FHIT: variants seen among roughly 807,000 people sequenced by gnomAD.
FHIT encodes the protein fragile histidine triad diadenosine triphosphatase.
Under a neutral mutation model 17.9 loss-of-function variants are expected in FHIT, and 19 were observed. That is an observed-to-expected ratio of 1.06 (90% confidence interval 0.74 to 1.56). The LOEUF (loss-of-function observed/expected upper bound fraction) is 1.56, where lower values mean the gene tolerates loss of function less well. FHIT is among the 40% of genes most tolerant of loss of function. The pLI, the probability that FHIT is intolerant of heterozygous loss-of-function variation, is 0.00. For synonymous variants in FHIT, 81 were observed against 69.7 expected (o/e 1.16, Z -0.81); for missense variants, 248 against 189.2 (o/e 1.31, Z -1.82).
At chr3:60,806,064 T>G (rs1701373902) in intron 4 of FHIT, among the ~76,000 whole-genome samples, 1 of 152,220 alleles carries the variant, frequency 6.6e-6, no homozygotes, top group Non-Finnish European at 1.5e-5. Context: ...CCTTTGCTCC[T>G]TAAGTCCTGG....
intron 2 of FHIT, among the ~76,000 whole-genome samples, chr3:61,155,442 C>G (rs762415665): frequency 6.6e-6 from 1 of 152,128 alleles, no homozygotes. Context: ...CTAGTCAACA[C>G]CTACTATTCT....
In FHIT at chr3:60,514,985, A is replaced by G. The variant is rs910370112; in HGVS notation, c.103+21875T>C. ...AGAGCATGTGAGCAGAGGCCACCTT[A>G]CTAGATAAAATGCAGCTGGTTACCG... On this transcript the variant is annotated intron_variant, in intron 5 of 9. Coordinates refer to ENST00000492590, the MANE Select transcript of FHIT (RefSeq NM_002012.4). 4.0e-5 allele frequency among the ~76,000 whole-genome samples: 6 copies of G among 151,622 alleles called. No homozygotes were observed. The East Asian group carries it at 1.2e-3, about 29-fold the overall frequency.
At chr3:59,954,225 T>TG (rs1385445217) in intron 7 of FHIT, among the ~76,000 whole-genome samples, 1 of 150,438 alleles carries the variant, frequency 6.6e-6, no homozygotes, top group Non-Finnish European at 1.5e-5. Context: ...TGTTCTGTTT[T>TG]TTTTTCTTTT....
At chr3:60,291,598 T>C (rs1707987075) in intron 5 of FHIT, among the ~76,000 whole-genome samples, 1 of 152,174 alleles carries the variant, frequency 6.6e-6, no homozygotes, top group Non-Finnish European at 1.5e-5. Context: ...TTCAGGCTGC[T>C]CTTTGGTAGG....
chr3:61,036,897 C>CT (rs749043451), intron 3 of FHIT, among the ~76,000 whole-genome samples: 1 of 55,002 alleles, frequency 1.8e-5, no homozygotes, highest in African/African-American at 3.9e-5. Flanking sequence ...GATCAGTCTG[C>CT]TTTGTTTTTT....
intron 5 of FHIT, among the ~76,000 whole-genome samples, chr3:60,506,327 T>C (rs2034727774): frequency 6.6e-6 from 1 of 152,172 alleles, no homozygotes; most frequent in South Asian, 2.1e-4. Context: ...AAAGCTAATT[T>C]TGTAAACTGC....
rs1334507761 is a variant in FHIT, at chr3:59,747,317, G to A, written c.*2268C>T. Among the ~76,000 whole-genome samples, 1 of 152,126 alleles carries A rather than the reference G, an allele frequency of 6.6e-6. No homozygotes were observed. Among genetic ancestry groups the A allele is most frequent in the African/African-American group, 2.4e-5 (1 of 41,434 alleles). ...TGAGGTTTAATGGACTCGCAATCAT[G>A]GAGGAAGGCAAAAGAGGAGCAAAGC... On this transcript the variant is annotated 3_prime_UTR_variant, in exon 10 of 10. Transcript: ENST00000492590.
chr3:60,633,437 AAATT>A (rs1200661747), intron 4 of FHIT, among the ~76,000 whole-genome samples: 5 of 152,230 alleles, frequency 3.3e-5, no homozygotes, highest in Admixed American at 3.3e-4. Context: ...GAAATACAAC[AAATT>A]ATTATATTTA....
intron 8 of FHIT, among the ~76,000 whole-genome samples, chr3:59,863,074 C>T (rs187266168): frequency 2.4e-4 from 36 of 152,240 alleles, no homozygotes; most frequent in African/African-American, 7.9e-4. Context: ...TAGTCCTATC[C>T]GAGGAATAGT....
At chr3:60,293,748 T>C (rs1354213303) in intron 5 of FHIT, among the ~76,000 whole-genome samples, 1 of 152,244 alleles carries the variant, frequency 6.6e-6, no homozygotes, top group East Asian at 1.9e-4. Context: ...AAAACCACTT[T>C]AGATAAAGAG....
chr3:60,172,640 A>G (rs554217203), intron 5 of FHIT, among the ~76,000 whole-genome samples: 1 of 152,222 alleles, frequency 6.6e-6, no homozygotes, highest in East Asian at 1.9e-4. Flanking sequence ...AAATGTTGGG[A>G]AAACGGAAAG....
chr3:59,883,344 AAG>A (rs1290407360), intron 8 of FHIT, among the ~76,000 whole-genome samples: 3 of 152,178 alleles, frequency 2.0e-5, no homozygotes, highest in African/African-American at 7.2e-5. Context: ...TAAAAAGAAA[AAG>A]AGATTTAATG....
At chr3:60,295,511 G>A (rs909041944) in intron 5 of FHIT, among the ~76,000 whole-genome samples, 2 of 151,906 alleles carry the variant, frequency 1.3e-5, no homozygotes, top group South Asian at 4.2e-4. Flanking sequence ...CAGCTCTCAG[G>A]GAAATGCTCC....
chr3:60,440,313 T>C (rs2030680499), intron 5 of FHIT, among the ~76,000 whole-genome samples: 1 of 152,118 alleles, frequency 6.6e-6, no homozygotes. Context: ...TTCCATGACA[T>C]GTCATTCTGA....
chr3:60,814,877 T>TG (rs149454619), intron 4 of FHIT, among the ~76,000 whole-genome samples: 11,990 of 151,770 alleles, frequency 0.079, 518 homozygotes, highest in Non-Finnish European at 0.084. Flanking sequence ...TGTGGTTTTT[T>TG]TTTGTTTGTT....
At chr3:59,986,540 T>TATATATATACACAC (rs1473518719) in intron 7 of FHIT, among the ~76,000 whole-genome samples, 1 of 12,450 alleles carries the variant, frequency 8.0e-5, no homozygotes, top group African/African-American at 3.5e-4. Context: ...TATATATATA[T>TATATATATACACAC]ACACACACAC....
intron 5 of FHIT, among the ~76,000 whole-genome samples, chr3:60,328,635 G>T (rs1350420410): frequency 1.3e-5 from 2 of 152,204 alleles, no homozygotes; most frequent in East Asian, 3.9e-4. Context: ...GGGGGACACA[G>T]CCAAACCATA....
intron 5 of FHIT, among the ~76,000 whole-genome samples, chr3:60,197,559 T>C (rs1346040125): frequency 1.3e-5 from 2 of 152,164 alleles, no homozygotes; most frequent in African/African-American, 2.4e-5. Context: ...ATTACAAATA[T>C]CTTGAAATTT....
intron 3 of FHIT, among the ~76,000 whole-genome samples, chr3:60,930,717 A>G (rs1362097098): frequency 6.6e-6 from 1 of 152,142 alleles, no homozygotes. Flanking sequence ...AGGAAACAAC[A>G]GGTGCTGGAG....
Sources: gnomAD v4.1 joint callset for allele counts (sites outside exome capture counted in the v4.1 genomes callset) on GRCh38, gnomAD v4.1.1 for gene constraint, MANE v1.5 for transcripts, NCBI Gene and HGNC (gene_info 2026-07-23, HGNC 2026-07-21) for gene names.